Variants in OR2L13 observed in about 807,000 individuals in gnomAD.
The protein encoded by OR2L13 is olfactory receptor family 2 subfamily L member 13.
A neutral mutation model predicts 15.3 loss-of-function variants in OR2L13; 14 were observed. The observed-to-expected ratio is 0.91, with a 90% CI of 0.60 to 1.43. OR2L13 has a LOEUF of 1.43. OR2L13 is among the 40% of genes most tolerant of loss of function. The pLI, the probability that OR2L13 is intolerant of heterozygous loss-of-function variation, is 0.00. For synonymous variants in OR2L13, 152 were observed against 142.9 expected, an observed-to-expected ratio of 1.06 and a Z score of -0.45; for missense variants, 367 against 387.9, an observed-to-expected ratio of 0.95 and a Z score of 0.45.
At chr1:247,955,850 T>C in the OR2L13 span, among the ~76,000 whole-genome samples, 1 of 152,026 alleles carries the variant, frequency 6.6e-6, no homozygotes, top group Non-Finnish European at 1.5e-5. Flanking sequence ...TTAGCCCTTT[T>C]TCAGATGAGT....
At chr1:248,021,721 A>G in the OR2L13 span, among the ~76,000 whole-genome samples, 1 of 152,304 alleles carries the variant, frequency 6.6e-6, no homozygotes, top group African/African-American at 2.4e-5. Flanking sequence ...TAATTGTTCT[A>G]TTTTATTTGC....
chr1:248,013,079 C>G, the OR2L13 span, among the ~76,000 whole-genome samples: 7 of 151,550 alleles, frequency 4.6e-5, no homozygotes, highest in East Asian at 1.4e-3. Context: ...AGAAAGGAAA[C>G]AATATAAATA....
the OR2L13 span, among the ~76,000 whole-genome samples, chr1:247,967,467 G>C: frequency 5.3e-5 from 8 of 152,132 alleles, no homozygotes; most frequent in Non-Finnish European, 1.0e-4. Flanking sequence ...GATCTCAAGT[G>C]ATCCTTCTGC....
the OR2L13 span, chr1:247,937,525 G>C: frequency 1.3e-5 from 2 of 155,860 alleles, no homozygotes; most frequent in Admixed American, 1.3e-4. Context: ...CAACCCCTCA[G>C]CTACGGGGCT....
At chr1:247,958,292 C>T in the OR2L13 span, among the ~76,000 whole-genome samples, 1 of 152,194 alleles carries the variant, frequency 6.6e-6, no homozygotes, top group Non-Finnish European at 1.5e-5. Flanking sequence ...TTTGATTGCA[C>T]TGTGGTCTGA....
the OR2L13 span, among the ~76,000 whole-genome samples, chr1:247,997,965 T>G: frequency 2.6e-5 from 4 of 152,194 alleles, no homozygotes; most frequent in Non-Finnish European, 5.9e-5. Flanking sequence ...AATATATACA[T>G]TTCTTTAAAA....
chr1:248,066,016 T>C, the OR2L13 span, among the ~76,000 whole-genome samples: 4 of 152,282 alleles, frequency 2.6e-5, no homozygotes, highest in East Asian at 1.9e-4. Flanking sequence ...GCTGGAGGAA[T>C]GCAGTCTGAA....
upstream of OR2L13, among the ~76,000 whole-genome samples, chr1:248,096,404 C>A (rs1664742893): frequency 1.3e-5 from 2 of 151,426 alleles, no homozygotes; most frequent in Admixed American, 6.6e-5. Context: ...AAATGAAAAC[C>A]AAGAGTGAAC....
At chr1:248,022,471 A>AT in the OR2L13 span, 39 of 1,613,948 alleles carry the variant, frequency 2.4e-5, 1 homozygote, top group South Asian at 6.6e-5. Flanking sequence ...GCCATCAATC[A>AT]TTTTTTCTGT....
chr1:247,998,138 C>A, the OR2L13 span, among the ~76,000 whole-genome samples: 1 of 152,068 alleles, frequency 6.6e-6, no homozygotes, highest in South Asian at 2.1e-4. Context: ...AGAAGGGACT[C>A]TGGCAAGTGC....
chr1:248,049,671 C>G, the OR2L13 span, among the ~76,000 whole-genome samples: 1 of 152,052 alleles, frequency 6.6e-6, no homozygotes. Context: ...TTAAAAAATC[C>G]TACTTGTTTT....
chr1:248,008,734 A>G, the OR2L13 span, among the ~76,000 whole-genome samples: 1 of 152,212 alleles, frequency 6.6e-6, no homozygotes, highest in African/African-American at 2.4e-5. Context: ...TAGAATATAC[A>G]TTCTTCTTAG....
the OR2L13 span, among the ~76,000 whole-genome samples, chr1:247,945,347 T>G: frequency 6.6e-6 from 1 of 152,200 alleles, no homozygotes; most frequent in African/African-American, 2.4e-5. Context: ...GAGTTCTAAT[T>G]TGATTGTGCT....
At chr1:248,060,729 C>T in the OR2L13 span, 1 of 1,614,038 alleles carries the variant, frequency 6.2e-7, no homozygotes, top group South Asian at 1.1e-5. Flanking sequence ...TATTAGGATT[C>T]TTCCCACCAT....
chr1:248,069,033 A>C, the OR2L13 span, among the ~76,000 whole-genome samples: 1 of 152,230 alleles, frequency 6.6e-6, no homozygotes, highest in Non-Finnish European at 1.5e-5. Context: ...GAATGGAACC[A>C]AGTTGCAAAA....
chr1:248,097,751 C>A (rs1294453513), intron 1 of OR2L13, among the ~76,000 whole-genome samples: 1 of 152,210 alleles, frequency 6.6e-6, no homozygotes, highest in Non-Finnish European at 1.5e-5. Flanking sequence ...ATGCTGGCAG[C>A]TTTCTTCCCC....
chr1:247,950,021 C>A, the OR2L13 span, among the ~76,000 whole-genome samples: 1 of 121,836 alleles, frequency 8.2e-6, no homozygotes, highest in African/African-American at 3.1e-5. Context: ...CATATTTTTG[C>A]TAATATGTTG....
the OR2L13 span, among the ~76,000 whole-genome samples, chr1:248,068,126 C>G: frequency 1.3e-5 from 2 of 152,202 alleles, no homozygotes; most frequent in Non-Finnish European, 2.9e-5. Context: ...CCCTGTCTGA[C>G]AGCTTTGAAG....
At chr1:247,985,306 G>A in the OR2L13 span, among the ~76,000 whole-genome samples, 2 of 150,862 alleles carry the variant, frequency 1.3e-5, no homozygotes, top group Non-Finnish European at 2.9e-5. Context: ...TCCCCTTCCT[G>A]TGTCCATGTG....
Sources: allele counts gnomAD v4.1 joint callset (sites outside exome capture counted in the v4.1 genomes callset), GRCh38; gene constraint gnomAD v4.1.1; transcripts MANE v1.5; gene names NCBI Gene and HGNC (gene_info 2026-07-23, HGNC 2026-07-21).